The following SPINT3 variants were observed in gnomAD, a reference collection of about 807,000 sequenced individuals.
SPINT3 encodes serine peptidase inhibitor, Kunitz type 3.
In SPINT3, 4 loss-of-function variants were observed where a neutral mutation model predicts 3.3. The ratio of observed to expected loss-of-function variants is 1.22; its 90% CI spans 0.60 to 2.79. The LOEUF is 2.79. SPINT3 is among the 30% of genes most tolerant of loss of function. The pLI is 0.01. For synonymous variants in SPINT3, 30 were observed against 38.6 expected (o/e 0.78, Z 0.83); for missense variants, 97 against 104.3 (o/e 0.93, Z 0.31).
In SPINT3 at chr20:45,515,535, C is replaced by T. The variant is rs1348455327; in HGVS notation, c.74G>A (p.Arg25Gln). 1.8e-5 allele frequency: 28 copies of T among 1,550,222 alleles called. 1 individual carries two copies. The highest frequency in any genetic ancestry group is 3.3e-4 in the Middle Eastern group (2 of 6,008). The change falls in exon 1 of 2, where the codon CGA (arginine) becomes CAA (glutamine). Residue 25 changes from arginine to glutamine, a missense_variant and splice_region_variant. Physicochemically the swap from Arg to Gln is conservative, Grantham distance 43 (BLOSUM62 1). Coordinates refer to ENST00000217428, the MANE Select transcript of SPINT3 (RefSeq NM_006652.2). Reference sequence around the variant, plus strand: ...GAGATCCCACATTTCATACCAACCTCGTGCTAGTTCTGATCGAAGCTCTAG... The same window carrying T: ...GAGATCCCACATTTCATACCAACCTTGTGCTAGTTCTGATCGAAGCTCTAG... ...LCLELRSELA[R>Q]DTIKDLLPNV...
At chr20:45,513,404 A>G (rs560621621) in intron 1 of SPINT3, among the ~76,000 whole-genome samples, 1 of 152,364 alleles carries the variant, frequency 6.6e-6, no homozygotes, top group Non-Finnish European at 1.5e-5. Context: ...TCTCCTTGAC[A>G]TTCAATTTCC....
intron 1 of SPINT3, among the ~76,000 whole-genome samples, chr20:45,513,419 T>C (rs1267076199): frequency 6.6e-6 from 1 of 152,208 alleles, no homozygotes; most frequent in African/African-American, 2.4e-5. Flanking sequence ...ATTTCCTTCA[T>C]TGCAAAAATG....
intron 1 of SPINT3, among the ~76,000 whole-genome samples, chr20:45,514,539 A>T (rs1978821750): frequency 6.6e-6 from 1 of 152,198 alleles, no homozygotes; most frequent in South Asian, 2.1e-4. Flanking sequence ...CTCATACTGT[A>T]AACCACTACA....
Position 45,515,536 on chromosome 20 carries a change from G to T in SPINT3, c.73C>A (p.Arg25=), listed in dbSNP as rs999354455. ...LCLELRSELA[R]DTIKDLLPNV... ...AGATCCCACATTTCATACCAACCTC[G>T]TGCTAGTTCTGATCGAAGCTCTAGG... Residue 25 remains arginine, a synonymous_variant, in exon 1 of 2, where the codon CGA becomes AGA. Coordinates refer to ENST00000217428, the MANE Select transcript of SPINT3 (RefSeq NM_006652.2). 2 of 1,545,350 alleles carry T rather than the reference G, an allele frequency of 1.3e-6. No homozygotes were observed. The highest frequency in any genetic ancestry group is 1.7e-6 in the Non-Finnish European group (2 of 1,145,162).
In SPINT3 at chr20:45,512,583, ACG is replaced by A. The variant is rs1978762471; in HGVS notation, c.*66_*67del. 16 of 1,391,290 alleles carry A rather than the reference ACG, an allele frequency of 1.2e-5. No individual in the cohort carries two copies. Among genetic ancestry groups the A allele is most frequent in the African/African-American group, 1.0e-4 (7 of 68,978 alleles). 86.2% of individuals were successfully genotyped at this position (1,391,290 alleles called of 1,614,324 possible). A position where few individuals can be genotyped will look rare whatever the true frequency, so the allele number is the denominator to read the frequency against. On this transcript the variant is annotated 3_prime_UTR_variant, in exon 2 of 2. Transcript: ENST00000217428. ...TGTTCACACACACACACACACACAC[ACG>A]CAAATGCCTTCTATGGCCCTCAGAG... is the stretch of plus-strand genomic sequence containing the variant.
At chr20:45,513,583 C>T (rs1978795674) in intron 1 of SPINT3, among the ~76,000 whole-genome samples, 1 of 152,198 alleles carries the variant, frequency 6.6e-6, no homozygotes, top group African/African-American at 2.4e-5. Context: ...CCTCATTGTA[C>T]TCATTTCTGC....
At chr20:45,512,927 T>C in intron 1 of SPINT3, 83 bp from the exon 2 acceptor site, 1 of 1,116,358 alleles carries the variant, frequency 9.0e-7, no homozygotes, top group South Asian at 1.5e-5. Context: ...GTGACAGCCC[T>C]GGGCACAATT....
intron 1 of SPINT3, 69 bp downstream of exon 1, chr20:45,515,464 C>T: frequency 7.5e-7 from 1 of 1,334,534 alleles, no homozygotes; most frequent in Non-Finnish European, 1.1e-6. Flanking sequence ...GCTGCATCAC[C>T]TCCCCCACCA....
chr20:45,512,860 G>C lies in SPINT3; in HGVS notation c.77-16C>G. 6.5e-7 allele frequency: 1 copy of C among 1,547,734 alleles called. No homozygotes were observed. Among genetic ancestry groups the C allele is most frequent in the Non-Finnish European group, 8.7e-7 (1 of 1,144,246 alleles). On this transcript the variant is annotated splice_polypyrimidine_tract_variant and intron_variant, in intron 1 of 1. Coordinates refer to ENST00000217428, the MANE Select transcript of SPINT3 (RefSeq NM_006652.2). Reference sequence around the variant, plus strand: ...TTGATAGTGTCTGAAGAGAGAAAGTGGTTGAAGGAGACCAAACCCATCACC... The same window carrying C: ...TTGATAGTGTCTGAAGAGAGAAAGTCGTTGAAGGAGACCAAACCCATCACC...
Position 45,512,589 on chromosome 20 carries a change from A to G in SPINT3, c.*62T>C. On this transcript the variant is annotated 3_prime_UTR_variant, in exon 2 of 2. Coordinates refer to ENST00000217428, the MANE Select transcript of SPINT3 (RefSeq NM_006652.2). ...CACACACACACACACACACACGCAA[A>G]TGCCTTCTATGGCCCTCAGAGCAAT... 6.9e-7 allele frequency: 1 copy of G among 1,459,344 alleles called. No individual in the cohort carries two copies. The highest frequency in any genetic ancestry group is 1.3e-5 in the South Asian group (1 of 77,282). The allele number at this position is 1,459,344 out of a possible 1,614,324, so 90.4% of individuals were successfully genotyped here. A position where few individuals can be genotyped will look rare whatever the true frequency, so the allele number is the denominator to read the frequency against.
intron 1 of SPINT3, 73 bp downstream of exon 1, chr20:45,515,460 T>C: frequency 7.7e-7 from 1 of 1,296,138 alleles, no homozygotes; most frequent in East Asian, 2.5e-5. Context: ...TTGTGCTGCA[T>C]CACCTCCCCC....
intron 1 of SPINT3, 59 bp downstream of exon 1, chr20:45,515,474 A>ACCCC: frequency 3.7e-6 from 4 of 1,091,452 alleles, no homozygotes; most frequent in Admixed American, 2.3e-5. Flanking sequence ...CTCCCCCACC[A>ACCCC]CCCCGCCCCC....
Position 45,512,764 on chromosome 20 carries a change from A to G in SPINT3, c.157T>C (p.Phe53Leu), listed in dbSNP as rs960094338. Residue 53 changes from phenylalanine (F) to leucine (L), a missense_variant, in exon 2 of 2, where the codon TTT becomes CTT. Transcript: ENST00000217428. ...GPCQTYMTRWFFNFETGECEL... is the reference protein window; with the variant it reads ...GPCQTYMTRWLFNFETGECEL... ...CATTCACCAGTTTCAAAGTTGAAAA[A>G]CCATCGCGTCATGTAGGTTTGACAA... is the stretch of plus-strand genomic sequence containing the variant. The G allele has an allele frequency of 9.0e-6, 14 of 1,551,552 alleles. No individual in the cohort carries two copies. The highest frequency in any genetic ancestry group is 1.4e-5 in the African/African-American group (1 of 73,030).
intron 1 of SPINT3, 115 bp downstream of exon 1, chr20:45,515,418 C>T (rs923017850): frequency 9.3e-6 from 8 of 862,296 alleles, no homozygotes; most frequent in African/African-American, 8.3e-5. Flanking sequence ...TGAATTGACT[C>T]TCAATCCGGT....
In SPINT3 at chr20:45,512,710, C is replaced by T; in HGVS notation, c.211G>A (p.Gly71Ser). ...TTCCTCAAAAAGTTGTTGCTGTTGC[C>T]TCCGCAGCCTCCGTAAGCAAATAAC... ...CELFAYGGCG[G>S]NSNNFLRKEK... Residue 71 changes from glycine to serine, a missense_variant, in exon 2 of 2, where the codon GGC (glycine) becomes AGC (serine). By Grantham distance (56) the Gly-to-Ser change is moderately conservative. Coordinates refer to ENST00000217428, the MANE Select transcript of SPINT3 (RefSeq NM_006652.2). 6.4e-7 allele frequency: 1 copy of T among 1,551,620 alleles called. No homozygotes were observed. Among genetic ancestry groups the T allele is most frequent in the Non-Finnish European group, 8.7e-7 (1 of 1,146,926 alleles).
chr20:45,515,487 G>A, intron 1 of SPINT3, 46 bp downstream of exon 1: 6 of 1,194,472 alleles, frequency 5.0e-6, no homozygotes, highest in Admixed American at 4.2e-5. Context: ...CCGCCCCCCA[G>A]CCTGATTCCC....
intron 1 of SPINT3, 50 bp downstream of exon 1, chr20:45,515,483 C>T: frequency 1.4e-6 from 2 of 1,476,126 alleles, no homozygotes; most frequent in South Asian, 1.2e-5. Context: ...CACCCCGCCC[C>T]CCAGCCTGAT....
Position 45,512,561 on chromosome 20 carries a change from T to TCACACACA in SPINT3, c.*82_*89dup. ...GGGGGTAGAGGAATGAACCTCTTGT[T>TCACACACA]CACACACACACACACACACACACGC... On this transcript the variant is annotated 3_prime_UTR_variant, in exon 2 of 2. Coordinates refer to ENST00000217428, the MANE Select transcript of SPINT3 (RefSeq NM_006652.2). The TCACACACA allele has an allele frequency of 9.0e-7, 1 of 1,113,798 alleles. No individual in the cohort carries two copies. Among genetic ancestry groups the TCACACACA allele is most frequent in the South Asian group, 1.6e-5 (1 of 61,474 alleles). 69.0% of individuals were successfully genotyped at this position (1,113,798 alleles called of 1,614,324 possible). A position where few individuals can be genotyped will look rare whatever the true frequency, so the allele number is the denominator to read the frequency against.
rs1013264000 is a variant in SPINT3 at position 45,515,585 on chromosome 20, C to T, written c.24G>A (p.Ser8=). 16 of 1,550,532 alleles carry T rather than the reference C, an allele frequency of 1.0e-5. No individual in the cohort carries two copies. The highest frequency in any genetic ancestry group is 2.7e-5 in the African/African-American group (2 of 72,776). Residue 8 remains serine (S), a synonymous_variant, in exon 1 of 2, where the codon TCG becomes TCA. Transcript: ENST00000217428. The stretch of plus-strand genomic sequence containing the variant: ...GGCAGAGAGTGAGAATCAGGAGAAA[C>T]GAGAGAGAGGCCTGAAGCTGCATGG... MQLQASL[S]FLLILTLCLE...
Sources: gnomAD v4.1 joint callset for allele counts (sites outside exome capture counted in the v4.1 genomes callset) on GRCh38, gnomAD v4.1.1 for gene constraint, MANE v1.5 for transcripts, NCBI Gene and HGNC (gene_info 2026-07-23, HGNC 2026-07-21) for gene names.